The following RERE variants were observed in gnomAD, a reference collection of about 807,000 sequenced individuals.
The protein encoded by RERE is arginine-glutamic acid dipeptide repeats protein.
RERE carries 40 observed loss-of-function variants against 146.1 expected under a neutral mutation model. That is an observed-to-expected ratio of 0.27 (90% CI 0.21 to 0.36). RERE has a LOEUF of 0.36. RERE is among the 10% of genes least tolerant of loss of function. The pLI is 1.00. For missense variants in RERE, 1,933 were observed against 2,138.7 expected, an observed-to-expected ratio of 0.90 and a Z score of 1.90; for synonymous variants, 1,003 against 866.0, an observed-to-expected ratio of 1.16 and a Z score of -2.78.
intron 10 of RERE, among the ~76,000 whole-genome samples, chr1:8,480,146 T>G (rs576359483): frequency 2.3e-4 from 33 of 146,324 alleles, no homozygotes; most frequent in East Asian, 1.4e-3. Flanking sequence ...TTTTTTTGTT[T>G]TTTTTTTTTT....
intron 7 of RERE, among the ~76,000 whole-genome samples, chr1:8,525,197 T>C (rs1181313030): frequency 1.3e-5 from 2 of 152,230 alleles, no homozygotes; most frequent in Admixed American, 6.5e-5. Flanking sequence ...GTTGCAATCA[T>C]AATTCACAAC....
chr1:8,760,356 T>TTATACATCA (rs1640730813), intron 1 of RERE, among the ~76,000 whole-genome samples: 1 of 152,150 alleles, frequency 6.6e-6, no homozygotes, highest in Admixed American at 6.5e-5. Context: ...AGACAATCAT[T>TTATACATCA]TATACATCAT....
intron 4 of RERE, among the ~76,000 whole-genome samples, chr1:8,602,011 T>C (rs986261145): frequency 6.6e-6 from 1 of 152,224 alleles, no homozygotes; most frequent in African/African-American, 2.4e-5. Flanking sequence ...GGCAATCATT[T>C]ACCTGTTGTA....
At chr1:8,404,158 G>T (rs778069277) in intron 12 of RERE, among the ~76,000 whole-genome samples, 1 of 152,032 alleles carries the variant, frequency 6.6e-6, no homozygotes, top group Non-Finnish European at 1.5e-5. Context: ...GGCCGGGTGC[G>T]GTGGCTCACG....
intron 10 of RERE, among the ~76,000 whole-genome samples, chr1:8,474,123 G>A (rs1644724662): frequency 6.6e-6 from 1 of 152,174 alleles, no homozygotes; most frequent in South Asian, 2.1e-4. Context: ...ATATATAAGT[G>A]CTTTACTGGC....
chr1:8,749,428 GAA>G (rs35901893), intron 1 of RERE, among the ~76,000 whole-genome samples: 1 of 142,130 alleles, frequency 7.0e-6, no homozygotes. Context: ...TTTTGCTCTG[GAA>G]AAAAAAAAAA....
At chr1:8,752,902 CATT>C (rs1293145575) in intron 1 of RERE, among the ~76,000 whole-genome samples, 13 of 152,198 alleles carry the variant, frequency 8.5e-5, no homozygotes, top group African/African-American at 2.6e-4. Flanking sequence ...TTTGATTAGA[CATT>C]ATTAAATTGT....
intron 7 of RERE, among the ~76,000 whole-genome samples, chr1:8,530,575 T>C (rs1449471308): frequency 1.3e-5 from 2 of 152,092 alleles, no homozygotes; most frequent in Non-Finnish European, 2.9e-5. Context: ...TTCTAATTAG[T>C]ACTAACTTCA....
chr1:8,548,825 A>G (rs1645898518), intron 6 of RERE, among the ~76,000 whole-genome samples: 1 of 152,076 alleles, frequency 6.6e-6, no homozygotes, highest in Non-Finnish European at 1.5e-5. Context: ...TCTACTAAAA[A>G]TACAAAAAAA....
intron 11 of RERE, among the ~76,000 whole-genome samples, chr1:8,429,547 C>T (rs896987657): frequency 2.6e-5 from 4 of 152,190 alleles, no homozygotes; most frequent in Non-Finnish European, 5.9e-5. Context: ...AGCAAGAGAG[C>T]AGAAGACAGG....
chr1:8,599,082 G>A (rs1321575189), intron 4 of RERE, among the ~76,000 whole-genome samples: 1 of 152,186 alleles, frequency 6.6e-6, no homozygotes. Context: ...CGGACAGCGG[G>A]GCAGGGGTCA....
intron 12 of RERE, among the ~76,000 whole-genome samples, chr1:8,386,910 A>G (rs900283224): frequency 1.2e-4 from 18 of 152,228 alleles, no homozygotes; most frequent in African/African-American, 4.3e-4. Flanking sequence ...TAGAAAAAAG[A>G]CGGATAAAGG....
intron 4 of RERE, among the ~76,000 whole-genome samples, chr1:8,606,759 G>C (rs1646715703): frequency 6.6e-6 from 1 of 152,102 alleles, no homozygotes; most frequent in African/African-American, 2.4e-5. Context: ...CTATTTACAG[G>C]CTGAAAATCT....
intron 2 of RERE, among the ~76,000 whole-genome samples, chr1:8,653,747 T>C (rs1304811449): frequency 6.6e-6 from 1 of 150,780 alleles, no homozygotes; most frequent in African/African-American, 2.4e-5. Context: ...TTTCCCATGA[T>C]TTAGATGTGC....
chr1:8,516,231 A>G (rs1247637599), intron 7 of RERE, among the ~76,000 whole-genome samples: 4 of 147,128 alleles, frequency 2.7e-5, no homozygotes, highest in African/African-American at 5.2e-5. Flanking sequence ...TCAGAGGAAA[A>G]AAAAAAAAAA....
intron 1 of RERE, among the ~76,000 whole-genome samples, chr1:8,692,344 C>CTTTTTTTT (rs55723477): frequency 2.0e-5 from 3 of 147,594 alleles, no homozygotes; most frequent in Non-Finnish European, 4.5e-5. Context: ...CTCCCATATA[C>CTTTTTTTT]TTTTTTTTTT....
At chr1:8,633,031 T>C (rs1647052291) in intron 2 of RERE, among the ~76,000 whole-genome samples, 1 of 152,228 alleles carries the variant, frequency 6.6e-6, no homozygotes, top group South Asian at 2.1e-4. Flanking sequence ...AAAAGTAGGC[T>C]AAATATCCTA....
chr1:8,370,987 T>C (rs1006089792), intron 12 of RERE, among the ~76,000 whole-genome samples: 1 of 152,162 alleles, frequency 6.6e-6, no homozygotes, highest in African/African-American at 2.4e-5. Flanking sequence ...ATCATTTTGC[T>C]CCTGATGCTC....
At chr1:8,530,023 C>G (rs1032451197) in intron 7 of RERE, among the ~76,000 whole-genome samples, 1 of 152,126 alleles carries the variant, frequency 6.6e-6, no homozygotes, top group Non-Finnish European at 1.5e-5. Flanking sequence ...CCACCTGGAC[C>G]TCACTCCTGC....
Sources: gnomAD v4.1 joint callset for allele counts (sites outside exome capture counted in the v4.1 genomes callset) on GRCh38, gnomAD v4.1.1 for gene constraint, MANE v1.5 for transcripts, NCBI Gene and HGNC (gene_info 2026-07-23, HGNC 2026-07-21) for gene names.